The following NUP98 variants were observed in gnomAD, a reference collection of about 807,000 sequenced individuals.
NUP98 encodes nucleoporin 98 and 96 precursor, also known as nuclear pore complex protein Nup98-Nup96.
In NUP98, 26 loss-of-function variants were observed where a neutral mutation model predicts 191.9. The ratio of observed to expected loss-of-function variants is 0.14; its 90% CI spans 0.10 to 0.19. The LOEUF (loss-of-function observed/expected upper bound fraction) is 0.19, where lower values mean the gene tolerates loss of function less well. Ranked by LOEUF, NUP98 falls within the 10% of genes least tolerant of loss-of-function variation. NUP98 has a pLI of 1.00. For missense variants in NUP98, 1,941 were observed against 2,178.8 expected, an observed-to-expected ratio of 0.89 and a Z score of 2.17; for synonymous variants, 808 against 778.4, an observed-to-expected ratio of 1.04 and a Z score of -0.63.
intron 7 of NUP98, 97 bp downstream of exon 7, chr11:3,771,651 T>C (rs1353131705): frequency 4.9e-6 from 5 of 1,025,186 alleles, no homozygotes; most frequent in Non-Finnish European, 7.3e-6. Context: ...TGAATTATTA[T>C]TTTTCTCCAT....
intron 1 of NUP98, among the ~76,000 whole-genome samples, chr11:3,789,680 A>T: frequency 6.6e-6 from 1 of 151,886 alleles, no homozygotes; most frequent in East Asian, 1.9e-4. Context: ...TATGTTGCCC[A>T]GGCTGGTCTC....
intron 18 of NUP98, among the ~76,000 whole-genome samples, chr11:3,714,354 A>G (rs1038217056): frequency 1.3e-5 from 2 of 152,170 alleles, no homozygotes; most frequent in African/African-American, 2.4e-5. Context: ...CGTACTAAAT[A>G]ATAATAAAAA....
In NUP98 at chr11:3,690,614, C is replaced by G. The variant is rs538804953; in HGVS notation, c.4454+733G>C. ...CAGATTCACATATACACACACAAAC[C>G]AAGATACTACATGCCCAATAAAATG... On this transcript the variant is annotated intron_variant, in intron 28 of 32. Coordinates refer to ENST00000324932, the MANE Select transcript of NUP98 (RefSeq NM_016320.5). 7.2e-5 allele frequency among the ~76,000 whole-genome samples: 11 copies of G among 152,144 alleles called. No individual in the cohort carries two copies. The East Asian group carries it at 2.1e-3, about 29-fold the overall frequency.
intron 1 of NUP98, among the ~76,000 whole-genome samples, chr11:3,782,570 A>T (rs867878040): frequency 0.02 from 2,392 of 117,526 alleles, 134 homozygotes; most frequent in African/African-American, 0.072. Flanking sequence ...AAAAGCTAAC[A>T]TTTTTTTTTT....
chr11:3,701,841 A>G (rs1272366469), intron 23 of NUP98, among the ~76,000 whole-genome samples: 1 of 151,476 alleles, frequency 6.6e-6, no homozygotes, highest in African/African-American at 2.4e-5. Flanking sequence ...GCCTGCCACA[A>G]CGCCCAGCTA....
chr11:3,777,620 C>CAAAAAAAAAAAAAA (rs35614116), intron 4 of NUP98, among the ~76,000 whole-genome samples: 1 of 59,472 alleles, frequency 1.7e-5, no homozygotes, highest in Admixed American at 2.0e-4. Flanking sequence ...GACTCCGTCT[C>CAAAAAAAAAAAAAA]AAAAAAAAAA....
intron 8 of NUP98, among the ~76,000 whole-genome samples, chr11:3,766,031 T>C (rs2081327398): frequency 6.6e-6 from 1 of 152,140 alleles, no homozygotes; most frequent in South Asian, 2.1e-4. Flanking sequence ...GGTCTATGTC[T>C]CTCCTTGTGC....
chr11:3,769,575 CAAAAAAAAAAAA>C (rs34035817), intron 7 of NUP98, among the ~76,000 whole-genome samples: 1 of 61,694 alleles, frequency 1.6e-5, no homozygotes, highest in African/African-American at 5.7e-5. Flanking sequence ...GATTCTGTCT[CAAAAAAAAAAAA>C]AAAAAAAAAA....
At chr11:3,784,060 C>T (rs2082061182) in intron 1 of NUP98, among the ~76,000 whole-genome samples, 1 of 152,178 alleles carries the variant, frequency 6.6e-6, no homozygotes, top group Middle Eastern at 3.2e-3. Context: ...CAATCATGCT[C>T]ATCTGGATTC....
chr11:3,763,358 C>CTT (rs543479301), intron 8 of NUP98, among the ~76,000 whole-genome samples: 324 of 152,196 alleles, frequency 2.1e-3, no homozygotes, highest in African/African-American at 7.4e-3. Context: ...AATAATAAGA[C>CTT]TTTAACTCTT....
chr11:3,741,149 A>T (rs574576132), intron 12 of NUP98, among the ~76,000 whole-genome samples: 1 of 152,090 alleles, frequency 6.6e-6, no homozygotes, highest in South Asian at 2.1e-4. Context: ...GGGAATGAAA[A>T]GGACCACCAA....
intron 28 of NUP98, 88 bp from the exon 29 acceptor site, chr11:3,686,282 T>A: frequency 8.7e-7 from 1 of 1,145,692 alleles, no homozygotes; most frequent in Non-Finnish European, 1.3e-6. Flanking sequence ...TCTAAGACAA[T>A]AAAAGAACCT....
intron 3 of NUP98, 21 bp downstream of exon 3, chr11:3,779,135 T>C (rs542454485): frequency 6.8e-6 from 11 of 1,612,820 alleles, no homozygotes; most frequent in Non-Finnish European, 9.3e-6. Flanking sequence ...AAACCAGTTA[T>C]ATCACAAATA....
intron 1 of NUP98, among the ~76,000 whole-genome samples, chr11:3,796,379 C>T (rs1042601056): frequency 6.6e-6 from 1 of 152,156 alleles, no homozygotes; most frequent in African/African-American, 2.4e-5. Flanking sequence ...CATCAGCTGA[C>T]ACAAGTCAAA....
intron 30 of NUP98, 130 bp downstream of exon 30, chr11:3,683,070 G>A: frequency 7.3e-7 from 1 of 1,372,568 alleles, no homozygotes; most frequent in Non-Finnish European, 9.9e-7. Context: ...GAGAGCTTTT[G>A]CAAAGTATGA....
At chr11:3,694,867 A>G (rs953559054) in intron 26 of NUP98, among the ~76,000 whole-genome samples, 3 of 152,252 alleles carry the variant, frequency 2.0e-5, no homozygotes, top group Admixed American at 6.5e-5. Context: ...CCTAGGCAAC[A>G]TACTGAGACC....
chr11:3,749,303 A>C (rs1176437354), intron 11 of NUP98, among the ~76,000 whole-genome samples: 2 of 150,194 alleles, frequency 1.3e-5, no homozygotes, highest in East Asian at 3.9e-4. Flanking sequence ...CGACAGAGCG[A>C]GACTCCGTCT....
chr11:3,725,282 C>A, intron 14 of NUP98, 63 bp from the exon 15 acceptor site: 1 of 745,292 alleles, frequency 1.3e-6, no homozygotes, highest in Non-Finnish European at 2.3e-6. Context: ...ATGTCCCAGA[C>A]ATTATCTTAA....
rs560428200 is a variant in NUP98, at chr11:3,791,167, T to A, written c.-29+6233A>T. On this transcript the variant is annotated intron_variant, in intron 1 of 32. Transcript: ENST00000324932. ...CCCTCAGCCTCCCAAAGTGCTGGGA[T>A]TACAGGCGTGAGCCACTGCGCCCCG... Among the ~76,000 whole-genome samples, 30 of 152,040 alleles carry A rather than the reference T, an allele frequency of 2.0e-4. No homozygotes were observed. In the East Asian group the frequency reaches 5.1e-3, roughly 26 times the overall value.
Sources: gnomAD v4.1 joint callset for allele counts (sites outside exome capture counted in the v4.1 genomes callset) on GRCh38, gnomAD v4.1.1 for gene constraint, MANE v1.5 for transcripts, NCBI Gene and HGNC (gene_info 2026-07-23, HGNC 2026-07-21) for gene names.